Variants in HECW1 observed in about 807,000 individuals in gnomAD.
HECW1 encodes E3 ubiquitin-protein ligase HECW1.
Under a neutral mutation model 182.3 loss-of-function variants are expected in HECW1, and 61 were observed. The observed-to-expected ratio is 0.33, with a 90% CI of 0.27 to 0.41. The LOEUF is 0.41. Ranked by LOEUF, HECW1 falls within the 10% of genes least tolerant of loss-of-function variation. HECW1 has a pLI of 1.00. For missense variants in HECW1, 1,739 were observed against 2,108.9 expected (o/e 0.82, Z 3.44); for synonymous variants, 859 against 832.6 (o/e 1.03, Z -0.55).
intron 2 of HECW1, among the ~76,000 whole-genome samples, chr7:43,189,528 A>G (rs1377534809): frequency 6.6e-6 from 1 of 152,174 alleles, no homozygotes; most frequent in Admixed American, 6.5e-5. Context: ...AAAAAACCTA[A>G]ATCTGGATAT....
At chr7:43,337,926 A>G (rs1812506674) in intron 5 of HECW1, among the ~76,000 whole-genome samples, 1 of 152,204 alleles carries the variant, frequency 6.6e-6, no homozygotes, top group African/African-American at 2.4e-5. Flanking sequence ...ATCAACTGCA[A>G]CTGGGAGAAG....
intron 8 of HECW1, among the ~76,000 whole-genome samples, chr7:43,422,944 C>G (rs1344529413): frequency 6.9e-6 from 1 of 144,148 alleles, no homozygotes; most frequent in East Asian, 2.3e-4. Context: ...TCGTGGTCTC[C>G]AGGATTTAAG....
chr7:43,295,333 G>C (rs1172329943), intron 3 of HECW1, among the ~76,000 whole-genome samples: 1 of 152,108 alleles, frequency 6.6e-6, no homozygotes, highest in East Asian at 1.9e-4. Flanking sequence ...TATCTTTGTA[G>C]CTATCTTATT....
At position 43,509,127 on chromosome 7, in the gene HECW1, C is replaced by T; in HGVS notation, c.4019+6C>T. On this transcript the variant is annotated splice_donor_region_variant and intron_variant, in intron 24 of 29. Coordinates refer to ENST00000395891, the MANE Select transcript of HECW1 (RefSeq NM_015052.5). ...GTAGAAAACCATCTTGAGTGGTAAG[C>T]TCTATAATGTTCACTTTCTTGTATT... The T allele has an allele frequency of 1.2e-6, 2 of 1,610,936 alleles. No individual in the cohort carries two copies. The highest frequency in any genetic ancestry group is 2.2e-5 in the South Asian group (2 of 90,178).
chr7:43,223,796 G>C (rs1405105344), intron 2 of HECW1, among the ~76,000 whole-genome samples: 2 of 152,020 alleles, frequency 1.3e-5, no homozygotes, highest in Non-Finnish European at 2.9e-5. Flanking sequence ...CTCCGCTCTG[G>C]CCACTCCAGC....
chr7:43,479,799 C>G, intron 17 of HECW1, 55 bp downstream of exon 17: 4 of 1,602,480 alleles, frequency 2.5e-6, no homozygotes, highest in Non-Finnish European at 3.4e-6. Flanking sequence ...TCTGCCTCTT[C>G]CATGGGAGCA....
At chr7:43,390,145 A>G (rs10216152) in intron 6 of HECW1, among the ~76,000 whole-genome samples, 69,350 of 151,904 alleles carry the variant, frequency 0.46, 16,268 homozygotes, top group Middle Eastern at 0.59. Flanking sequence ...AGTGATTAGC[A>G]TAAGAGCCCT....
rs578006496 is a variant in HECW1, at chr7:43,198,517, C to T, written c.-31-45358C>T. Among the ~76,000 whole-genome samples, 454 of 151,264 alleles carry T rather than the reference C, an allele frequency of 3.0e-3. 4 individuals are homozygous for T. The highest frequency in any genetic ancestry group is 0.01 in the African/African-American group (430 of 41,188). ...TACACTCAAACACCATAGTCACACA[C>T]CACAGACACCACACTCACACTCCAC... is the stretch of plus-strand genomic sequence containing the variant. On this transcript the variant is annotated intron_variant, in intron 2 of 29. Coordinates refer to ENST00000395891, the MANE Select transcript of HECW1 (RefSeq NM_015052.5).
chr7:43,500,867 C>A (rs548022270), intron 20 of HECW1, 85 bp downstream of exon 20: 11 of 1,110,146 alleles, frequency 9.9e-6, no homozygotes, highest in South Asian at 7.4e-5. Flanking sequence ...ATGGCCTAGA[C>A]TGAAAAACTC....
intron 3 of HECW1, among the ~76,000 whole-genome samples, chr7:43,308,579 A>AT: frequency 6.7e-6 from 1 of 150,172 alleles, no homozygotes; most frequent in Non-Finnish European, 1.5e-5. Flanking sequence ...TCATATCTTT[A>AT]TTTTCTTCTA....
chr7:43,336,146 C>CTCTCTCTCTCTT (rs1812221647), intron 5 of HECW1, among the ~76,000 whole-genome samples: 2 of 40,916 alleles, frequency 4.9e-5, no homozygotes, highest in East Asian at 9.0e-4. Context: ...CTCTCTCTTT[C>CTCTCTCTCTCTT]TCTCTCTCTC....
chr7:43,535,772 T>C (rs1350199189), intron 24 of HECW1, among the ~76,000 whole-genome samples: 2 of 152,170 alleles, frequency 1.3e-5, no homozygotes, highest in African/African-American at 2.4e-5. Flanking sequence ...CAACTGGTAA[T>C]CAGGGGAAGA....
intron 5 of HECW1, among the ~76,000 whole-genome samples, chr7:43,324,437 T>C (rs1279655257): frequency 1.3e-5 from 2 of 152,230 alleles, no homozygotes; most frequent in Non-Finnish European, 2.9e-5. Flanking sequence ...ACATGTTATG[T>C]GAAATAATTA....
chr7:43,275,074 G>A (rs1802944571), intron 3 of HECW1, among the ~76,000 whole-genome samples: 2 of 152,082 alleles, frequency 1.3e-5, no homozygotes, highest in Admixed American at 6.6e-5. Context: ...GAATAACAGA[G>A]CAAAGTACTC....
chr7:43,398,147 C>T (rs2075291360), intron 7 of HECW1, among the ~76,000 whole-genome samples: 2 of 151,986 alleles, frequency 1.3e-5, no homozygotes. Context: ...GTCCCAGCTA[C>T]TTGGGAGGCT....
intron 6 of HECW1, among the ~76,000 whole-genome samples, chr7:43,372,396 A>G (rs138587768): frequency 0.011 from 1,601 of 143,490 alleles, 33 homozygotes; most frequent in African/African-American, 0.04. Flanking sequence ...TCTAGGGTAC[A>G]TGTGCACAAC....
At chr7:43,508,420 T>C (rs2079689253) in intron 23 of HECW1, among the ~76,000 whole-genome samples, 1 of 152,170 alleles carries the variant, frequency 6.6e-6, no homozygotes, top group East Asian at 1.9e-4. Flanking sequence ...TCTGAGTATC[T>C]AATTTAAAAA....
intron 2 of HECW1, among the ~76,000 whole-genome samples, chr7:43,208,615 CA>C (rs1489624572): frequency 6.6e-6 from 1 of 152,230 alleles, no homozygotes; most frequent in Non-Finnish European, 1.5e-5. Context: ...TGTCAGCTTT[CA>C]GCTGGGGAAG....
intron 5 of HECW1, among the ~76,000 whole-genome samples, chr7:43,330,384 A>G (rs1811314949): frequency 6.6e-6 from 1 of 152,228 alleles, no homozygotes; most frequent in Admixed American, 6.5e-5. Context: ...GTCTAGCCCT[A>G]GCTGCTGTCA....
Sources: gnomAD v4.1 joint callset for allele counts (sites outside exome capture counted in the v4.1 genomes callset) on GRCh38, gnomAD v4.1.1 for gene constraint, MANE v1.5 for transcripts, NCBI Gene and HGNC (gene_info 2026-07-23, HGNC 2026-07-21) for gene names.